FBN2: variants seen among roughly 807,000 people sequenced by gnomAD.
FBN2 encodes fibrillin 2.
In FBN2, 105 loss-of-function variants were observed where a neutral mutation model predicts 355.6. The ratio of observed to expected loss-of-function variants is 0.30; its 90% CI spans 0.25 to 0.35. The LOEUF (loss-of-function observed/expected upper bound fraction) is 0.35, where lower values mean the gene tolerates loss of function less well. FBN2 is among the 10% of genes least tolerant of loss of function. FBN2 has a pLI of 1.00. For missense variants in FBN2, 3,280 were observed against 3,758.7 expected, an observed-to-expected ratio of 0.87 and a Z score of 3.33; for synonymous variants, 1,350 against 1,301.2, an observed-to-expected ratio of 1.04 and a Z score of -0.81.
chr5:128,530,290 C>A (rs1008777639), intron 3 of FBN2, among the ~76,000 whole-genome samples: 2 of 152,168 alleles, frequency 1.3e-5, no homozygotes, highest in Admixed American at 6.5e-5. Flanking sequence ...TCTCCTTCCC[C>A]CTTAGATAAC....
intron 25 of FBN2, among the ~76,000 whole-genome samples, chr5:128,344,131 C>T (rs1395769460): frequency 6.6e-6 from 1 of 152,068 alleles, no homozygotes; most frequent in African/African-American, 2.4e-5. Flanking sequence ...CACACCTGTG[C>T]TCCCAGTTAC....
chr5:128,454,416 T>C (rs1222328330), intron 6 of FBN2, among the ~76,000 whole-genome samples: 1 of 152,256 alleles, frequency 6.6e-6, no homozygotes, highest in Non-Finnish European at 1.5e-5. Context: ...TTAGACTTTA[T>C]AATGATCTCG....
chr5:128,506,404 G>A (rs953895235), intron 5 of FBN2, among the ~76,000 whole-genome samples: 2 of 152,128 alleles, frequency 1.3e-5, no homozygotes, highest in Non-Finnish European at 2.9e-5. Context: ...AATTATCCAT[G>A]AGTATTACAT....
At chr5:128,411,911 A>G (rs1753079017) in intron 7 of FBN2, among the ~76,000 whole-genome samples, 2 of 152,216 alleles carry the variant, frequency 1.3e-5, no homozygotes, top group African/African-American at 4.8e-5. Flanking sequence ...TTAGTTCTTC[A>G]ATACTGTATG....
chr5:128,502,264 T>C (rs965325471), intron 5 of FBN2, among the ~76,000 whole-genome samples: 1 of 145,656 alleles, frequency 6.9e-6, no homozygotes, highest in South Asian at 2.2e-4. Context: ...GATCACATGC[T>C]TTTCACTAAA....
chr5:128,525,619 CGT>C (rs1561498468), intron 4 of FBN2, among the ~76,000 whole-genome samples: 3 of 152,092 alleles, frequency 2.0e-5, no homozygotes, highest in African/African-American at 7.2e-5. Context: ...CTGGCCTCAA[CGT>C]ATTGTATTCT....
At chr5:128,391,383 T>A (rs1338511678) in intron 11 of FBN2, among the ~76,000 whole-genome samples, 1 of 152,098 alleles carries the variant, frequency 6.6e-6, no homozygotes, top group African/African-American at 2.4e-5. Flanking sequence ...ATTAAAAAGG[T>A]TTGCAAAAAT....
chr5:128,462,660 G>C (rs576934965), intron 6 of FBN2, among the ~76,000 whole-genome samples: 12 of 152,242 alleles, frequency 7.9e-5, no homozygotes, highest in African/African-American at 2.4e-4. Flanking sequence ...CAGAAAGTTT[G>C]AGATCAGATG....
rs756476462 is a variant in FBN2 at position 128,377,706 on chromosome 5, T to A, written c.1849+46A>T. On this transcript the variant is annotated intron_variant, in intron 13 of 64. Coordinates refer to ENST00000262464, the MANE Select transcript of FBN2 (RefSeq NM_001999.4). Reference sequence around the variant, plus strand: ...TAGTACATGGTTCTAAATAAAAATGTATATCCTTTTAAAATCTTTTGCAAG... The same window carrying A: ...TAGTACATGGTTCTAAATAAAAATGAATATCCTTTTAAAATCTTTTGCAAG... The A allele has an allele frequency of 1.9e-6, 3 of 1,598,000 alleles. No homozygotes were observed. In the Admixed American group the frequency reaches 5.0e-5, roughly 27 times the overall value.
intron 8 of FBN2, among the ~76,000 whole-genome samples, chr5:128,401,641 C>T (rs754473266): frequency 7.9e-5 from 12 of 152,004 alleles, no homozygotes; most frequent in Non-Finnish European, 1.3e-4. Context: ...ATTAGCCCAG[C>T]GTGGTGGCAC....
In FBN2 at chr5:128,263,449, G is replaced by C; in HGVS notation, c.8168C>G (p.Pro2723Arg). Residue 2723 changes from proline to arginine, a missense_variant, in exon 63 of 65, where the codon CCT becomes CGT. Pro to Arg is a moderately radical substitution (Grantham distance 103). Transcript: ENST00000262464. ...TEGGYLCGCPPGYYRVGQGHC... is the reference protein window; with the variant it reads ...TEGGYLCGCPRGYYRVGQGHC... Reference sequence around the variant, plus strand: ...CCCTTGTCCCACTCTGTAATACCCAGGGGGGCAGCCACAGAGGTAGCCCCC... The same window carrying C: ...CCCTTGTCCCACTCTGTAATACCCACGGGGGCAGCCACAGAGGTAGCCCCC... 1 of 1,613,646 alleles carries C rather than the reference G, an allele frequency of 6.2e-7. No homozygotes were observed. Among genetic ancestry groups the C allele is most frequent in the Non-Finnish European group, 8.5e-7 (1 of 1,179,598 alleles).
intron 9 of FBN2, among the ~76,000 whole-genome samples, chr5:128,393,853 C>T (rs943525698): frequency 1.6e-4 from 24 of 152,078 alleles, no homozygotes; most frequent in Admixed American, 7.2e-4. Context: ...TGGATTTTAA[C>T]GGTAGACAAT....
chr5:128,292,979 C>T (rs1749370826), intron 48 of FBN2, among the ~76,000 whole-genome samples: 2 of 152,190 alleles, frequency 1.3e-5, no homozygotes, highest in African/African-American at 4.8e-5. Context: ...CAAAATAGGT[C>T]TCTCCCCTTA....
At chr5:128,349,803 T>G in intron 22 of FBN2, 152 bp downstream of exon 22, 1 of 711,292 alleles carries the variant, frequency 1.4e-6, no homozygotes, top group South Asian at 1.7e-5. Context: ...CTAAGAGAAT[T>G]ATGCTAAAGC....
chr5:128,270,906 G>A (rs1382833693), intron 62 of FBN2, among the ~76,000 whole-genome samples: 1 of 152,134 alleles, frequency 6.6e-6, no homozygotes, highest in Non-Finnish European at 1.5e-5. Context: ...TTGAATAACT[G>A]CCTAATTGGT....
chr5:128,376,711 T>C lies in FBN2; in HGVS notation c.1972+20A>G. On this transcript the variant is annotated intron_variant, in intron 14 of 64. Transcript: ENST00000262464. ...GTGGTTTCAATCATGGTCACTTTCCTATCTGAAAGCCACACATACCAGTAC... is the reference window on the plus strand; with the variant it reads ...GTGGTTTCAATCATGGTCACTTTCCCATCTGAAAGCCACACATACCAGTAC... 6.2e-7 allele frequency: 1 copy of C among 1,613,416 alleles called. No individual in the cohort carries two copies. Among genetic ancestry groups the C allele is most frequent in the Non-Finnish European group, 8.5e-7 (1 of 1,179,466 alleles).
intron 7 of FBN2, among the ~76,000 whole-genome samples, chr5:128,432,211 CAT>C (rs1236860252): frequency 6.6e-6 from 1 of 152,104 alleles, no homozygotes; most frequent in Non-Finnish European, 1.5e-5. Context: ...TTCATAAACA[CAT>C]AGTTTTGATG....
In FBN2 at chr5:128,290,742, T is replaced by C. The variant is rs1581191700; in HGVS notation, c.6435A>G (p.Lys2145=). The change falls in exon 50 of 65, where the codon AAA becomes AAG. Residue 2145 remains lysine (K), a synonymous_variant. Transcript: ENST00000262464. ...TGTCATTGCTCTTACCTTCATCGTCTTTGGGGCACAGCTCACAGGGGTCCC... is the reference window on the plus strand; with the variant it reads ...TGTCATTGCTCTTACCTTCATCGTCCTTGGGGCACAGCTCACAGGGGTCCC... ...GWGDPCELCP[K]DDEVAFQDLC... 6.2e-7 allele frequency: 1 copy of C among 1,614,184 alleles called. No homozygotes were observed. Among genetic ancestry groups the C allele is most frequent in the Admixed American group, 1.7e-5 (1 of 60,022 alleles).
chr5:128,313,371 G>A (rs563072337), intron 36 of FBN2, among the ~76,000 whole-genome samples: 1 of 152,186 alleles, frequency 6.6e-6, no homozygotes, highest in African/African-American at 2.4e-5. Context: ...GTGAACTCTA[G>A]ACCCTTCTAC....
Sources: gnomAD v4.1 joint callset for allele counts (sites outside exome capture counted in the v4.1 genomes callset) on GRCh38, gnomAD v4.1.1 for gene constraint, MANE v1.5 for transcripts, NCBI Gene and HGNC (gene_info 2026-07-23, HGNC 2026-07-21) for gene names.